ARHGAP6: variants seen among roughly 807,000 people sequenced by gnomAD.
The protein encoded by ARHGAP6 is Rho GTPase activating protein 6.
ARHGAP6 carries 16 observed loss-of-function variants against 55.7 expected under a neutral mutation model. The ratio of observed to expected loss-of-function variants is 0.29; its 90% CI spans 0.19 to 0.44. The LOEUF (loss-of-function observed/expected upper bound fraction) is 0.44, where lower values mean the gene tolerates loss of function less well. Ranked by LOEUF, ARHGAP6 falls within the 20% of genes least tolerant of loss-of-function variation. The pLI, the probability that ARHGAP6 is intolerant of heterozygous loss-of-function variation, is 1.00. For missense variants in ARHGAP6, 698 were observed against 808.9 expected (o/e 0.86, Z 1.66); for synonymous variants, 382 against 360.9 (o/e 1.06, Z -0.66).
intron 1 of ARHGAP6, among the ~76,000 whole-genome samples, chrX:11,624,300 A>G (rs1242473139): frequency 2.7e-5 from 3 of 112,795 alleles, no homozygotes; most frequent in African/African-American, 9.7e-5. Flanking sequence ...CAAATGCTTC[A>G]GGACACTGGT....
chrX:11,162,344 C>CA (rs56333718), intron 9 of ARHGAP6, among the ~76,000 whole-genome samples: 1 of 96,067 alleles, frequency 1.0e-5, no homozygotes, highest in African/African-American at 3.8e-5. Context: ...CCCCCCCCCC[C>CA]ATATTTACTG....
intron 1 of ARHGAP6, among the ~76,000 whole-genome samples, chrX:11,258,263 G>T (rs184545115): frequency 3.6e-5 from 4 of 110,481 alleles, no homozygotes; most frequent in Non-Finnish European, 5.7e-5. Flanking sequence ...AATTTGAACA[G>T]ACACGGGAGA....
chrX:11,422,781 G>A (rs1232237314), intron 1 of ARHGAP6, among the ~76,000 whole-genome samples: 4 of 112,560 alleles, frequency 3.6e-5, no homozygotes, highest in African/African-American at 1.3e-4. Flanking sequence ...GGTGGTAATT[G>A]TTTTCAAATG....
intron 1 of ARHGAP6, among the ~76,000 whole-genome samples, chrX:11,527,291 G>GAT (rs910198477): frequency 1.3e-4 from 14 of 111,465 alleles, no homozygotes; most frequent in African/African-American, 4.6e-4. Context: ...GTTCAAGTGA[G>GAT]ATATATGTAT....
chrX:11,271,333 A>G (rs1421522744), intron 1 of ARHGAP6, among the ~76,000 whole-genome samples: 1 of 111,942 alleles, frequency 8.9e-6, no homozygotes, highest in African/African-American at 3.2e-5. Context: ...AGAATATCGT[A>G]TTTAGGAGCT....
intron 8 of ARHGAP6, among the ~76,000 whole-genome samples, chrX:11,175,049 C>T (rs1379299515): frequency 1.8e-5 from 2 of 111,425 alleles, no homozygotes; most frequent in East Asian, 2.8e-4. Context: ...GTCCATATTA[C>T]TATTGATACA....
At chrX:11,517,462 T>C (rs1459020420) in intron 1 of ARHGAP6, among the ~76,000 whole-genome samples, 1 of 111,792 alleles carries the variant, frequency 8.9e-6, no homozygotes, top group Admixed American at 9.6e-5. Context: ...TTTAATCTTA[T>C]CTTCTCGTGC....
intron 1 of ARHGAP6, among the ~76,000 whole-genome samples, chrX:11,567,284 C>T (rs192749481): frequency 7.6e-4 from 84 of 110,991 alleles, no homozygotes; most frequent in Admixed American, 2.6e-3. Context: ...AGAAACCAAC[C>T]GAGGTGTGTT....
intron 2 of ARHGAP6, among the ~76,000 whole-genome samples, chrX:11,220,748 C>T (rs1258767269): frequency 9.2e-6 from 1 of 108,682 alleles, no homozygotes; most frequent in Non-Finnish European, 1.9e-5. Flanking sequence ...AACCAGCTAA[C>T]ATCATAATGA....
intron 1 of ARHGAP6, among the ~76,000 whole-genome samples, chrX:11,326,393 G>T (rs1258115697): frequency 9.0e-6 from 1 of 111,260 alleles, no homozygotes; most frequent in East Asian, 2.8e-4. Context: ...CTCCCAAAGT[G>T]CTGGGATTAC....
In ARHGAP6 at chrX:11,664,566, G is replaced by C. The variant is rs1196386426; in HGVS notation, c.263C>G (p.Pro88Arg). Residue 88 changes from proline (P) to arginine (R), a missense_variant, in exon 1 of 13, where the codon CCC (proline) becomes CGC (arginine). Physicochemically the swap from Pro to Arg is moderately radical, Grantham distance 103. Transcript: ENST00000337414. ...RLASSSRGPP[P>R]RATRLPPPGP... ...AGGAGGCGGTAGCCTGGTGGCCCTG[G>C]GGGGCGGACCCCGGGAAGAGGACGC... 14 of 1,189,414 alleles carry C rather than the reference G, an allele frequency of 1.2e-5. No individual in the cohort carries two copies. Among genetic ancestry groups the C allele is most frequent in the Non-Finnish European group, 1.5e-5 (13 of 883,872 alleles).
At chrX:11,491,320 G>A (rs1006774407) in intron 1 of ARHGAP6, among the ~76,000 whole-genome samples, 13 of 110,708 alleles carry the variant, frequency 1.2e-4, no homozygotes, top group African/African-American at 3.3e-5. Flanking sequence ...CCATTAACCC[G>A]TCATTTAGCA....
intron 1 of ARHGAP6, among the ~76,000 whole-genome samples, chrX:11,371,528 T>G (rs2147709032): frequency 8.9e-6 from 1 of 112,567 alleles, no homozygotes; most frequent in Non-Finnish European, 1.9e-5. Flanking sequence ...TTTGAAGAAT[T>G]CATAGATATC....
At chrX:11,491,427 T>C (rs1263642253) in intron 1 of ARHGAP6, among the ~76,000 whole-genome samples, 5 of 108,318 alleles carry the variant, frequency 4.6e-5, no homozygotes, top group Non-Finnish European at 7.7e-5. Context: ...TGTGTTCTCA[T>C]TGTTCAATTC....
At chrX:11,479,442 A>C (rs2147836026) in intron 1 of ARHGAP6, among the ~76,000 whole-genome samples, 1 of 111,847 alleles carries the variant, frequency 8.9e-6, no homozygotes, top group African/African-American at 3.2e-5. Flanking sequence ...GTATACATTC[A>C]GCTGCTTAGG....
chrX:11,631,237 A>G (rs746793893), intron 1 of ARHGAP6, among the ~76,000 whole-genome samples: 220 of 111,664 alleles, frequency 2.0e-3, no homozygotes, highest in South Asian at 0.012. Flanking sequence ...TCAAAAAGGT[A>G]AAATGGGCTG....
intron 1 of ARHGAP6, among the ~76,000 whole-genome samples, chrX:11,604,146 C>G (rs947328933): frequency 8.9e-6 from 1 of 111,822 alleles, no homozygotes; most frequent in Non-Finnish European, 1.9e-5. Context: ...TACTAGCATT[C>G]CATTGGCTAA....
In ARHGAP6 at chrX:11,397,654, G is replaced by A. The variant is rs149282707; in HGVS notation, c.589-142947C>T. Reference sequence around the variant, plus strand: ...AGAACTTTGGGAGGCCAAAGTGGGCGGATCACTTGCGCCCAGGATGAGACC... The same window carrying A: ...AGAACTTTGGGAGGCCAAAGTGGGCAGATCACTTGCGCCCAGGATGAGACC... On this transcript the variant is annotated intron_variant, in intron 1 of 12. Transcript: ENST00000337414. 2.3e-3 allele frequency among the ~76,000 whole-genome samples: 259 copies of A among 111,683 alleles called. 1 individual carries two copies. Among genetic ancestry groups the A allele is most frequent in the Middle Eastern group, 9.3e-3 (2 of 215 alleles).
chrX:11,144,094 C>T lies in ARHGAP6; in HGVS notation c.2062G>A (p.Ala688Thr), dbSNP rs776059299. The T allele has an allele frequency of 7.4e-6, 9 of 1,210,899 alleles. No homozygotes were observed. The highest frequency in any genetic ancestry group is 1.0e-5 in the Non-Finnish European group (9 of 894,928). Residue 688 changes from alanine to threonine, a missense_variant, in exon 11 of 13, where the codon GCG (alanine) becomes ACG (threonine). By Grantham distance (58) the Ala-to-Thr change is moderately conservative (BLOSUM62 0). Transcript: ENST00000337414. ...AGCTTCTCCGAGCCCCCCGGGGCCG[C>T]GTCCTCTTGCATAGCCAGCAGGGAG... ...ERSLLAMQED[A>T]APGGSEKLYR...
Sources: allele counts gnomAD v4.1 joint callset (sites outside exome capture counted in the v4.1 genomes callset), GRCh38; gene constraint gnomAD v4.1.1; transcripts MANE v1.5; gene names NCBI Gene and HGNC (gene_info 2026-07-23, HGNC 2026-07-21).